Variants in CA10 observed in about 807,000 individuals in gnomAD.
CA10 encodes the protein carbonic anhydrase 10 (inactive), also known as carbonic anhydrase-related protein 10.
Under a neutral mutation model 44.2 loss-of-function variants are expected in CA10, and 14 were observed. The observed-to-expected ratio is 0.32, with a 90% confidence interval of 0.21 to 0.50. CA10 has a LOEUF of 0.50. Ranked by LOEUF, CA10 falls within the 20% of genes least tolerant of loss-of-function variation. The pLI is 0.99. For synonymous variants in CA10, 159 were observed against 141.6 expected (o/e 1.12, Z -0.87); for missense variants, 350 against 409.7 (o/e 0.85, Z 1.26).
intron 4 of CA10, among the ~76,000 whole-genome samples, chr17:51,657,156 G>T (rs1913826841): frequency 6.6e-6 from 1 of 152,148 alleles, no homozygotes; most frequent in South Asian, 2.1e-4. Context: ...TGCTGAAGAG[G>T]CACCAGGAGA....
At chr17:51,893,280 C>G (rs769259470) in intron 3 of CA10, among the ~76,000 whole-genome samples, 11 of 152,200 alleles carry the variant, frequency 7.2e-5, no homozygotes, top group South Asian at 4.2e-4. Flanking sequence ...GAAAAATCCA[C>G]GCTCTAAGTC....
chr17:52,090,083 T>A (rs1988219662), intron 1 of CA10, among the ~76,000 whole-genome samples: 1 of 152,160 alleles, frequency 6.6e-6, no homozygotes, highest in South Asian at 2.1e-4. Context: ...ACAAACAAGT[T>A]ATTAAGTAAC....
chr17:51,831,127 G>A (rs966300688), intron 3 of CA10, among the ~76,000 whole-genome samples: 6 of 152,290 alleles, frequency 3.9e-5, no homozygotes, highest in African/African-American at 1.2e-4. Context: ...AGAGCTTCCA[G>A]CATTCCAGCA....
Position 51,964,068 on chromosome 17 carries a change from G to A in CA10, c.137-32936C>T, listed in dbSNP as rs183639192. ...TAGGTTAAAGTAAAGGGCTGGAGAA[G>A]GTTCTATAACACAAATAGAAAACAA... On this transcript the variant is annotated intron_variant, in intron 2 of 8. Transcript: ENST00000451037. Among the ~76,000 whole-genome samples, 184 of 151,980 alleles carry A rather than the reference G, an allele frequency of 1.2e-3. 4 individuals carry two copies. The South Asian group carries it at 0.022, about 18-fold the overall frequency.
chr17:51,800,842 A>G (rs1906898938), intron 3 of CA10, among the ~76,000 whole-genome samples: 2 of 152,192 alleles, frequency 1.3e-5, no homozygotes, highest in South Asian at 4.1e-4. Context: ...AGGCTCAGAT[A>G]TCTTTCCTAG....
At chr17:51,712,570 A>C (rs1276456944) in intron 4 of CA10, among the ~76,000 whole-genome samples, 1 of 152,180 alleles carries the variant, frequency 6.6e-6, no homozygotes, top group Admixed American at 6.5e-5. Flanking sequence ...CAATACTAGA[A>C]CTGTGCTGTA....
chr17:52,072,740 G>A (rs1384447360), intron 1 of CA10, among the ~76,000 whole-genome samples: 2 of 147,900 alleles, frequency 1.4e-5, no homozygotes, highest in Non-Finnish European at 3.0e-5. Flanking sequence ...TGCTCCTGCT[G>A]AAACTGAGGA....
intron 2 of CA10, among the ~76,000 whole-genome samples, chr17:52,040,865 G>T (rs1986748711): frequency 6.6e-6 from 1 of 151,976 alleles, no homozygotes; most frequent in Non-Finnish European, 1.5e-5. Flanking sequence ...GTGAATGTTA[G>T]CATGCTGGAG....
rs372542738 is a variant in CA10, at chr17:52,118,242, G to A, written c.61+39484C>T. Among the ~76,000 whole-genome samples the A allele has an allele frequency of 9.2e-5, 14 of 152,244 alleles. No homozygotes were observed. In the South Asian group the frequency reaches 1.4e-3, roughly 16 times the overall value. On this transcript the variant is annotated intron_variant, in intron 1 of 8. Coordinates refer to ENST00000451037, the MANE Select transcript of CA10 (RefSeq NM_020178.5). ...TCTCTCCCTTGTACAAGATTTTCAC[G>A]TACTAGTAAAGGATAATGAGCGATT...
intron 3 of CA10, among the ~76,000 whole-genome samples, chr17:51,796,769 C>T (rs1461647877): frequency 1.3e-5 from 2 of 152,112 alleles, no homozygotes; most frequent in African/African-American, 4.8e-5. Flanking sequence ...TAGTCTTGTC[C>T]ATTGCTAAGC....
chr17:52,133,523 G>GA (rs375461928), intron 1 of CA10, among the ~76,000 whole-genome samples: 149 of 147,868 alleles, frequency 1.0e-3, no homozygotes, highest in African/African-American at 3.0e-3. Flanking sequence ...GTGTTAACAA[G>GA]AAAAAAAAAA....
intron 3 of CA10, among the ~76,000 whole-genome samples, chr17:51,908,379 C>T (rs1358460836): frequency 6.6e-6 from 1 of 152,142 alleles, no homozygotes; most frequent in Non-Finnish European, 1.5e-5. Flanking sequence ...TTCCGTAGGC[C>T]TCTCTCCCTT....
chr17:52,078,496 A>G (rs1987877271), intron 1 of CA10, among the ~76,000 whole-genome samples: 1 of 152,224 alleles, frequency 6.6e-6, no homozygotes, highest in Admixed American at 6.5e-5. Context: ...ATACACTGCT[A>G]TGGTTACTTC....
chr17:51,674,924 A>G (rs774838385), intron 4 of CA10, among the ~76,000 whole-genome samples: 1 of 152,220 alleles, frequency 6.6e-6, no homozygotes, highest in Non-Finnish European at 1.5e-5. Flanking sequence ...GCTGCTAATA[A>G]CTACTTAAAA....
intron 3 of CA10, among the ~76,000 whole-genome samples, chr17:51,840,212 G>A (rs577128340): frequency 6.6e-6 from 1 of 152,234 alleles, no homozygotes; most frequent in South Asian, 2.1e-4. Flanking sequence ...ACCCCACTAA[G>A]TGCTATTTCT....
chr17:51,708,523 A>G (rs891261785), intron 4 of CA10, among the ~76,000 whole-genome samples: 39 of 152,214 alleles, frequency 2.6e-4, no homozygotes, highest in African/African-American at 8.9e-4. Flanking sequence ...CCAGTGACGT[A>G]TACTATCAAA....
chr17:51,864,688 G>A (rs1407348155), intron 3 of CA10, among the ~76,000 whole-genome samples: 1 of 152,138 alleles, frequency 6.6e-6, no homozygotes, highest in Non-Finnish European at 1.5e-5. Context: ...AGTAACAAAG[G>A]TGCCTTGATG....
Position 52,158,377 on chromosome 17 carries a change from C to CG in CA10, c.-592dup, listed in dbSNP as rs1289298420. ...TCCGGGGCAGTTCTTCTCCTGCTTC[C>CG]GGGGGGCGGGGAAGGAGCAGACACA... On this transcript the variant is annotated 5_prime_UTR_variant, in exon 1 of 9. Transcript: ENST00000451037. 4 of 173,460 alleles carry CG rather than the reference C, an allele frequency of 2.3e-5. No individual in the cohort carries two copies. The highest frequency in any genetic ancestry group is 4.8e-5 in the African/African-American group (2 of 41,788). 10.7% of individuals were successfully genotyped at this position (173,460 alleles called of 1,614,324 possible).
intron 4 of CA10, among the ~76,000 whole-genome samples, chr17:51,730,775 T>C (rs1030201759): frequency 2.6e-5 from 4 of 152,214 alleles, no homozygotes; most frequent in Non-Finnish European, 4.4e-5. Context: ...TTCTAACCTG[T>C]TGACATTTTT....
Sources: gnomAD v4.1 joint callset for allele counts (sites outside exome capture counted in the v4.1 genomes callset) on GRCh38, gnomAD v4.1.1 for gene constraint, MANE v1.5 for transcripts, NCBI Gene and HGNC (gene_info 2026-07-23, HGNC 2026-07-21) for gene names.